Variants in PCDH15 observed in about 807,000 individuals in gnomAD.
PCDH15 encodes protocadherin-15.
Under a neutral mutation model 178.5 loss-of-function variants are expected in PCDH15, and 129 were observed. The ratio of observed to expected loss-of-function variants is 0.72; its 90% confidence interval spans 0.63 to 0.84. PCDH15 has a LOEUF of 0.84. Ranked by LOEUF, PCDH15 falls within the 40% of genes least tolerant of loss-of-function variation. The pLI, the probability that PCDH15 is intolerant of heterozygous loss-of-function variation, is 0.00. For missense variants in PCDH15, 2,230 were observed against 2,099.9 expected (o/e 1.06, Z -1.21); for synonymous variants, 800 against 732.0 (o/e 1.09, Z -1.50).
intron 8 of PCDH15, among the ~76,000 whole-genome samples, chr10:54,316,554 A>G (rs2061286168): frequency 8.8e-6 from 1 of 114,256 alleles, no homozygotes; most frequent in African/African-American, 3.0e-5. Context: ...ACACACACAC[A>G]CACACACACA....
At chr10:54,428,991 T>C (rs2135968131) in intron 3 of PCDH15, among the ~76,000 whole-genome samples, 1 of 152,240 alleles carries the variant, frequency 6.6e-6, no homozygotes, top group Admixed American at 6.5e-5. Context: ...GATACAAACC[T>C]CACTGGTAAT....
intron 14 of PCDH15, among the ~76,000 whole-genome samples, chr10:54,152,745 C>T: frequency 6.6e-6 from 1 of 151,672 alleles, no homozygotes; most frequent in East Asian, 1.9e-4. Flanking sequence ...TATTTAAATA[C>T]ATGTATTATT....
At chr10:54,023,257 T>C in intron 18 of PCDH15, 60 bp from the exon 19 acceptor site, 1 of 1,484,708 alleles carries the variant, frequency 6.7e-7, no homozygotes, top group Non-Finnish European at 9.3e-7. Context: ...CTACTGTAAA[T>C]GAAGGTAACA....
chr10:54,362,152 T>C (rs1946148985), intron 5 of PCDH15, among the ~76,000 whole-genome samples: 1 of 152,184 alleles, frequency 6.6e-6, no homozygotes, highest in African/African-American at 2.4e-5. Flanking sequence ...ATGGTAATTA[T>C]TATAATTCAC....
At chr10:55,285,735 T>A (rs1306539968) in intron 1 of PCDH15, among the ~76,000 whole-genome samples, 1 of 151,810 alleles carries the variant, frequency 6.6e-6, no homozygotes, top group East Asian at 1.9e-4. Flanking sequence ...AAATAAATGA[T>A]TGTAAGATGT....
chr10:54,582,942 T>A (rs576118154), intron 2 of PCDH15, among the ~76,000 whole-genome samples: 6 of 152,256 alleles, frequency 3.9e-5, no homozygotes, highest in Non-Finnish European at 5.9e-5. Flanking sequence ...TACCATGTTT[T>A]CCTTTATTTA....
At chr10:54,539,367 A>G (rs964407338) in intron 2 of PCDH15, among the ~76,000 whole-genome samples, 7 of 152,202 alleles carry the variant, frequency 4.6e-5, no homozygotes, top group African/African-American at 1.7e-4. Flanking sequence ...ACCAACAACA[A>G]TAAAAAAGAA....
chr10:54,736,727 A>G (rs1303223776), intron 1 of PCDH15, among the ~76,000 whole-genome samples: 2 of 152,066 alleles, frequency 1.3e-5, no homozygotes, highest in Non-Finnish European at 2.9e-5. Flanking sequence ...AAGACAGTAT[A>G]TCAGCATTTT....
chr10:54,503,084 A>T (rs549278824), intron 3 of PCDH15, among the ~76,000 whole-genome samples: 2 of 151,428 alleles, frequency 1.3e-5, no homozygotes, highest in African/African-American at 4.8e-5. Flanking sequence ...TTACTTGTTT[A>T]TTTAGGTGTT....
chr10:55,494,473 C>T (rs1481279591), intron 2 of PCDH15, among the ~76,000 whole-genome samples: 1 of 151,504 alleles, frequency 6.6e-6, no homozygotes, highest in Admixed American at 6.6e-5. Flanking sequence ...TTTACATCTG[C>T]CATTTTGCTT....
chr10:54,607,471 A>G (rs1016513504), intron 2 of PCDH15, among the ~76,000 whole-genome samples: 1 of 152,078 alleles, frequency 6.6e-6, no homozygotes, highest in African/African-American at 2.4e-5. Flanking sequence ...AGAGAAGAGA[A>G]GGAAAGGCAT....
intron 17 of PCDH15, among the ~76,000 whole-genome samples, chr10:54,071,173 G>T (rs148952752): frequency 6.6e-6 from 1 of 151,898 alleles, no homozygotes; most frequent in African/African-American, 2.4e-5. Flanking sequence ...TTGTAAATGC[G>T]CCTTGTATTA....
intron 3 of PCDH15, among the ~76,000 whole-genome samples, chr10:54,527,011 G>T (rs78700701): frequency 0.024 from 3,622 of 152,160 alleles, 139 homozygotes; most frequent in African/African-American, 0.082. Flanking sequence ...CAAATATTAG[G>T]TACAAGCTTA....
chr10:55,131,700 G>A (rs1298049611), intron 2 of PCDH15, among the ~76,000 whole-genome samples: 1 of 99,908 alleles, frequency 1.0e-5, no homozygotes, highest in Non-Finnish European at 2.3e-5. Context: ...GTGGAGAGGA[G>A]ACCAGGAGTG....
chr10:54,645,543 A>C (rs559013317), intron 2 of PCDH15, among the ~76,000 whole-genome samples: 108 of 152,302 alleles, frequency 7.1e-4, no homozygotes, highest in Middle Eastern at 6.8e-3. Context: ...CTGAGTTCCT[A>C]TTATTTGCCA....
intron 10 of PCDH15, among the ~76,000 whole-genome samples, chr10:54,203,499 T>C (rs553238586): frequency 6.2e-4 from 95 of 152,222 alleles, no homozygotes; most frequent in Admixed American, 2.3e-3. Context: ...AGAAGGTAAT[T>C]TGACATACAG....
chr10:55,024,854 T>C (rs981012325), intron 2 of PCDH15, among the ~76,000 whole-genome samples: 1 of 152,146 alleles, frequency 6.6e-6, no homozygotes, highest in African/African-American at 2.4e-5. Flanking sequence ...TAGATTGCAG[T>C]GACAACCTCT....
At chr10:55,293,441 CA>C in intron 1 of PCDH15, among the ~76,000 whole-genome samples, 1 of 152,328 alleles carries the variant, frequency 6.6e-6, no homozygotes, top group South Asian at 2.1e-4. Context: ...ATTTCTGCAG[CA>C]GACTTGAATT....
intron 2 of PCDH15, among the ~76,000 whole-genome samples, chr10:55,539,121 G>A (rs868615142): frequency 1.4e-5 from 2 of 143,644 alleles, no homozygotes; most frequent in African/African-American, 5.2e-5. Flanking sequence ...CTTCTAATGT[G>A]TGTACTATTA....
Sources: allele counts gnomAD v4.1 joint callset (sites outside exome capture counted in the v4.1 genomes callset), GRCh38; gene constraint gnomAD v4.1.1; transcripts MANE v1.5; gene names NCBI Gene and HGNC (gene_info 2026-07-23, HGNC 2026-07-21).